The following RB1CC1 variants were observed in gnomAD, a reference collection of about 807,000 sequenced individuals.
The protein encoded by RB1CC1 is RB1 inducible coiled-coil 1, also known as RB1-inducible coiled-coil protein 1.
In RB1CC1, 46 loss-of-function variants were observed where a neutral mutation model predicts 177.5. That is an observed-to-expected ratio of 0.26 (90% confidence interval 0.20 to 0.33). The LOEUF (loss-of-function observed/expected upper bound fraction) is 0.33. RB1CC1 is among the 10% of genes least tolerant of loss of function. The probability of loss-of-function intolerance (pLI) is 1.00; values close to 1 mark genes in which losing one functional copy is unlikely to be tolerated. For synonymous variants in RB1CC1, 666 were observed against 613.6 expected, an observed-to-expected ratio of 1.09 and a Z score of -1.26; for missense variants, 1,703 against 1,816.3, an observed-to-expected ratio of 0.94 and a Z score of 1.13.
At chr8:52,705,893 A>C (rs1381868128) in intron 1 of RB1CC1, among the ~76,000 whole-genome samples, 1 of 152,174 alleles carries the variant, frequency 6.6e-6, no homozygotes. Flanking sequence ...AGACATTTAA[A>C]AATGTTTTGA....
intron 1 of RB1CC1, among the ~76,000 whole-genome samples, chr8:52,689,794 C>T (rs771454666): frequency 1.3e-4 from 20 of 152,098 alleles, no homozygotes; most frequent in Non-Finnish European, 2.5e-4. Flanking sequence ...GCTATGATCA[C>T]CCCTTCCACC....
At chr8:52,652,572 A>C (rs1850699438) in intron 15 of RB1CC1, among the ~76,000 whole-genome samples, 1 of 152,134 alleles carries the variant, frequency 6.6e-6, no homozygotes, top group South Asian at 2.1e-4. Flanking sequence ...TACTGACATA[A>C]TCCCTATGAA....
In RB1CC1 at chr8:52,674,246, T is replaced by TA; in HGVS notation, c.600_601insT (p.Lys201Ter). The TA allele has an allele frequency of 6.2e-7, 1 of 1,609,794 alleles. No homozygotes were observed. Among genetic ancestry groups the TA allele is most frequent in the Non-Finnish European group, 8.5e-7 (1 of 1,176,124 alleles). On this transcript the variant is annotated frameshift_variant, in exon 7 of 24. Transcript: ENST00000025008. LOFTEE classifies it high-confidence loss of function. ...GTTAGGCACTCCAACAGTGGAATCT[T>TA]GGCCATTACTGAAACTGCAGTTCCT...
At chr8:52,659,623 C>T (rs1350864785) in intron 12 of RB1CC1, among the ~76,000 whole-genome samples, 1 of 152,170 alleles carries the variant, frequency 6.6e-6, no homozygotes, top group Non-Finnish European at 1.5e-5. Context: ...GTATGGGAAT[C>T]GCTATGTCAC....
At position 52,661,488 on chromosome 8, in the gene RB1CC1, A is replaced by C. The variant is rs749916072; in HGVS notation, c.1358+47T>G. The stretch of plus-strand genomic sequence containing the variant: ...CCATCATTTGGGAGAAATAAATATA[A>C]ATACCAATTCTAAACATCTTAAAAC... On this transcript the variant is annotated intron_variant, in intron 9 of 23. Coordinates refer to ENST00000025008, the MANE Select transcript of RB1CC1 (RefSeq NM_014781.5). The C allele has an allele frequency of 2.6e-6, 4 of 1,512,592 alleles. No homozygotes were observed. The African/African-American group carries it at 5.6e-5, about 21-fold the overall frequency. The allele number at this position is 1,512,592 out of a possible 1,614,324, so 93.7% of individuals were successfully genotyped here. A position where few individuals can be genotyped will look rare whatever the true frequency, so the allele number is the denominator to read the frequency against.
chr8:52,645,916 C>G (rs751299161), intron 15 of RB1CC1, 49 bp from the exon 16 acceptor site: 1 of 1,478,708 alleles, frequency 6.8e-7, no homozygotes, highest in African/African-American at 1.4e-5. Flanking sequence ...TACAGACACA[C>G]AAATATACCA....
chr8:52,706,992 A>C (rs1461462114), intron 1 of RB1CC1, among the ~76,000 whole-genome samples: 2 of 152,194 alleles, frequency 1.3e-5, no homozygotes, highest in African/African-American at 4.8e-5. Flanking sequence ...AAGAGGGAGA[A>C]CAGAACTGTG....
chr8:52,642,965 C>T (rs1849707342), intron 16 of RB1CC1, 153 bp from the exon 17 acceptor site: 1 of 864,632 alleles, frequency 1.2e-6, no homozygotes, highest in Non-Finnish European at 1.6e-6. Flanking sequence ...GAAAATGTAA[C>T]ATACTGTGGC....
In RB1CC1 at chr8:52,656,613, A is replaced by G. The variant is rs1167716409; in HGVS notation, c.3216T>C (p.Asp1072=). ...VELALKEAET[D]EIKILLEESR... is the part of the protein sequence containing the mutation. ...TTTCTTCCAGCAAAATTTTTATTTC[A>G]TCAGTTTCTGCTTCCTTCAACGCAA... The change falls in exon 15 of 24, where the codon GAT becomes GAC. Residue 1072 remains aspartate, a synonymous_variant. Coordinates refer to ENST00000025008, the MANE Select transcript of RB1CC1 (RefSeq NM_014781.5). 6.2e-7 allele frequency: 1 copy of G among 1,613,314 alleles called. No individual in the cohort carries two copies. The highest frequency in any genetic ancestry group is 8.5e-7 in the Non-Finnish European group (1 of 1,179,730).
At chr8:52,660,538 T>C in intron 12 of RB1CC1, 58 bp downstream of exon 12, 2 of 1,425,250 alleles carry the variant, frequency 1.4e-6, no homozygotes, top group South Asian at 1.3e-5. Flanking sequence ...TCTCTACTTC[T>C]GGAAAAAAGG....
chr8:52,639,946 T>C (rs923560859), intron 18 of RB1CC1, among the ~76,000 whole-genome samples: 1 of 152,206 alleles, frequency 6.6e-6, no homozygotes, highest in African/African-American at 2.4e-5. Flanking sequence ...AAACTATAAC[T>C]AAGGTTATGT....
chr8:52,647,511 C>A (rs536427411), intron 15 of RB1CC1, among the ~76,000 whole-genome samples: 9 of 152,218 alleles, frequency 5.9e-5, no homozygotes, highest in Middle Eastern at 3.4e-3. Flanking sequence ...CAAAGGCTTA[C>A]TAAGGAACAC....
intron 5 of RB1CC1, among the ~76,000 whole-genome samples, chr8:52,680,996 T>TGTGTGTGTGTGTGTGTGTGTG (rs1389877008): frequency 9.5e-6 from 1 of 104,984 alleles, no homozygotes; most frequent in East Asian, 4.8e-4. Context: ...GTGTGTGTGT[T>TGTGTGTGTGTGTGTGTGTGTG]TTTTTTTTTT....
intron 1 of RB1CC1, among the ~76,000 whole-genome samples, chr8:52,698,360 T>C (rs1855644493): frequency 6.6e-6 from 1 of 152,130 alleles, no homozygotes; most frequent in African/African-American, 2.4e-5. Context: ...TCTCGCTCTG[T>C]CGCCCAGGCT....
intron 8 of RB1CC1, among the ~76,000 whole-genome samples, chr8:52,664,785 A>G (rs1359899392): frequency 1.3e-5 from 2 of 152,188 alleles, no homozygotes; most frequent in Non-Finnish European, 2.9e-5. Context: ...CCATACTCCC[A>G]GAAAAAGACT....
chr8:52,677,741 C>T (rs1378967812), intron 5 of RB1CC1, among the ~76,000 whole-genome samples: 2 of 151,812 alleles, frequency 1.3e-5, no homozygotes, highest in Non-Finnish European at 2.9e-5. Flanking sequence ...TGATTATGTG[C>T]CATGTCAATT....
intron 20 of RB1CC1, among the ~76,000 whole-genome samples, chr8:52,634,564 C>A (rs1176751195): frequency 1.3e-5 from 2 of 151,938 alleles, no homozygotes; most frequent in Non-Finnish European, 2.9e-5. Flanking sequence ...AAATTACGCA[C>A]ACTTGTGAGT....
chr8:52,666,525 A>AG (rs1362372762), intron 8 of RB1CC1, among the ~76,000 whole-genome samples: 26 of 140,916 alleles, frequency 1.8e-4, no homozygotes, highest in Non-Finnish European at 3.7e-4. Context: ...TCTCAAAAAA[A>AG]AAAAAAAGAA....
chr8:52,697,760 C>A (rs1014672660), intron 1 of RB1CC1, among the ~76,000 whole-genome samples: 2 of 152,162 alleles, frequency 1.3e-5, no homozygotes, highest in Admixed American at 6.5e-5. Context: ...TAATAAAACA[C>A]TAGAAAATGT....
Sources: gnomAD v4.1 joint callset for allele counts (sites outside exome capture counted in the v4.1 genomes callset) on GRCh38, gnomAD v4.1.1 for gene constraint, MANE v1.5 for transcripts, NCBI Gene and HGNC (gene_info 2026-07-23, HGNC 2026-07-21) for gene names.